RAB11FIP4: variants seen among roughly 807,000 people sequenced by gnomAD.
RAB11FIP4 encodes rab11 family-interacting protein 4.
RAB11FIP4 carries 23 observed loss-of-function variants against 74.3 expected under a neutral mutation model. The observed-to-expected ratio is 0.31, with a 90% CI of 0.22 to 0.44. RAB11FIP4 has a LOEUF of 0.44. RAB11FIP4 is among the 20% of genes least tolerant of loss of function. The pLI, the probability that RAB11FIP4 is intolerant of heterozygous loss-of-function variation, is 1.00. For missense variants in RAB11FIP4, 630 were observed against 863.9 expected, an observed-to-expected ratio of 0.73 and a Z score of 3.39; for synonymous variants, 360 against 359.9, an observed-to-expected ratio of 1.00 and a Z score of 0.00.
At chr17:31,442,946 T>G in intron 3 of RAB11FIP4, among the ~76,000 whole-genome samples, 2 of 141,110 alleles carry the variant, frequency 1.4e-5, no homozygotes, top group Admixed American at 7.4e-5. Context: ...GGCAACAGAG[T>G]GAGACTCTGT....
At chr17:31,511,712 C>T (rs1240407199) in intron 3 of RAB11FIP4, among the ~76,000 whole-genome samples, 1 of 152,186 alleles carries the variant, frequency 6.6e-6, no homozygotes, top group Non-Finnish European at 1.5e-5. Flanking sequence ...AGGGAGAGGA[C>T]CAGATGCTGC....
intron 7 of RAB11FIP4, 28 bp downstream of exon 7, chr17:31,522,423 T>G: frequency 6.2e-7 from 1 of 1,609,652 alleles, no homozygotes; most frequent in South Asian, 1.1e-5. Context: ...GGAGGGCAAA[T>G]TGAGTGCTGT....
At chr17:31,481,870 C>G (rs2071853085) in intron 3 of RAB11FIP4, among the ~76,000 whole-genome samples, 1 of 152,152 alleles carries the variant, frequency 6.6e-6, no homozygotes, top group South Asian at 2.1e-4. Context: ...GCTCCAGAGT[C>G]AATAAGACCA....
intron 4 of RAB11FIP4, among the ~76,000 whole-genome samples, chr17:31,519,441 C>T (rs1053132427): frequency 1.3e-5 from 2 of 152,166 alleles, no homozygotes; most frequent in African/African-American, 4.8e-5. Flanking sequence ...GAAGCAGTTT[C>T]ACCTTTAACT....
chr17:31,450,765 A>G (rs148033030), intron 3 of RAB11FIP4, among the ~76,000 whole-genome samples: 2,501 of 148,898 alleles, frequency 0.017, 43 homozygotes, highest in Non-Finnish European at 0.024. Flanking sequence ...CCCCTCCGAC[A>G]TTGCCTTCGG....
At chr17:31,457,034 G>A (rs1193058324) in intron 3 of RAB11FIP4, among the ~76,000 whole-genome samples, 1 of 152,170 alleles carries the variant, frequency 6.6e-6, no homozygotes, top group Non-Finnish European at 1.5e-5. Context: ...CTGGTCCTGG[G>A]GGCCTGTCTT....
intron 1 of RAB11FIP4, among the ~76,000 whole-genome samples, chr17:31,417,502 A>G (rs1299863074): frequency 1.3e-5 from 2 of 152,110 alleles, no homozygotes; most frequent in Non-Finnish European, 2.9e-5. Flanking sequence ...GGGGAGTTTC[A>G]ACTTCACCCT....
intron 1 of RAB11FIP4, among the ~76,000 whole-genome samples, chr17:31,400,150 A>G (rs986514311): frequency 1.3e-5 from 2 of 152,118 alleles, no homozygotes; most frequent in Non-Finnish European, 2.9e-5. Context: ...CTGGGCTCGC[A>G]TTCTGATAGG....
intron 1 of RAB11FIP4, among the ~76,000 whole-genome samples, chr17:31,430,948 T>C (rs1277332847): frequency 6.6e-6 from 1 of 151,774 alleles, no homozygotes; most frequent in Non-Finnish European, 1.5e-5. Flanking sequence ...ATGGGTGGTA[T>C]TGGAGGGGGT....
chr17:31,392,954 C>T (rs560863870), intron 1 of RAB11FIP4, among the ~76,000 whole-genome samples: 19 of 152,344 alleles, frequency 1.2e-4, no homozygotes, highest in African/African-American at 3.8e-4. Context: ...CCATGGGCCT[C>T]AAATGGGCAC....
intron 3 of RAB11FIP4, among the ~76,000 whole-genome samples, chr17:31,488,973 C>T (rs571199365): frequency 1.3e-5 from 2 of 152,344 alleles, no homozygotes; most frequent in East Asian, 3.9e-4. Flanking sequence ...CACCCTACTC[C>T]TCGCCCATGC....
chr17:31,476,172 C>CTTTT (rs71369069), intron 3 of RAB11FIP4, among the ~76,000 whole-genome samples: 1,043 of 63,550 alleles, frequency 0.016, 116 homozygotes, highest in Non-Finnish European at 0.02. Flanking sequence ...ATCGACTGAA[C>CTTTT]TTTTTTTTTT....
At chr17:31,448,420 C>A (rs564680081) in intron 3 of RAB11FIP4, 4 of 36,172 alleles carry the variant, frequency 1.1e-4, no homozygotes, top group South Asian at 1.9e-3. Context: ...TTGGCAGAGA[C>A]CGGGTCTAGC....
intron 1 of RAB11FIP4, among the ~76,000 whole-genome samples, chr17:31,430,660 G>A (rs2071301036): frequency 6.6e-6 from 1 of 152,050 alleles, no homozygotes; most frequent in African/African-American, 2.4e-5. Flanking sequence ...CGCCCGCCCT[G>A]GAGTTTGGAT....
chr17:31,524,310 C>T (rs1430562292), intron 9 of RAB11FIP4: 2 of 327,070 alleles, frequency 6.1e-6, no homozygotes, highest in African/African-American at 2.1e-5. Flanking sequence ...TGACAGGAGC[C>T]TGACGTCCCT....
chr17:31,534,535 T>A lies in RAB11FIP4; in HGVS notation c.*2803T>A, dbSNP rs532877727. 3.3e-5 allele frequency: 5 copies of A among 152,244 alleles called. No individual in the cohort carries two copies. The highest frequency in any genetic ancestry group is 9.6e-5 in the African/African-American group (4 of 41,538). The allele number at this position is 152,244 out of a possible 1,614,324, so 9.4% of individuals were successfully genotyped here. A position where few individuals can be genotyped will look rare whatever the true frequency, so the allele number is the denominator to read the frequency against. Reference sequence around the variant, plus strand: ...ACCTCAGCCTGCCAAAGCACTGGGATTACAGGCATGAGCCACCATGCCTGG... The same window carrying A: ...ACCTCAGCCTGCCAAAGCACTGGGAATACAGGCATGAGCCACCATGCCTGG... On this transcript the variant is annotated 3_prime_UTR_variant, in exon 15 of 15. Coordinates refer to ENST00000621161, the MANE Select transcript of RAB11FIP4 (RefSeq NM_032932.6).
chr17:31,438,518 C>G (rs1819462649), intron 3 of RAB11FIP4, among the ~76,000 whole-genome samples: 1 of 152,056 alleles, frequency 6.6e-6, no homozygotes, highest in Non-Finnish European at 1.5e-5. Context: ...CCTCCCCCTT[C>G]CATCACAGCC....
intron 1 of RAB11FIP4, among the ~76,000 whole-genome samples, chr17:31,419,161 G>A (rs1476429371): frequency 6.6e-6 from 1 of 152,160 alleles, no homozygotes; most frequent in Non-Finnish European, 1.5e-5. Flanking sequence ...GTGATTATGT[G>A]TAATGCTGCT....
chr17:31,523,783 C>T (rs962813908), intron 8 of RAB11FIP4, 110 bp from the exon 9 acceptor site: 2 of 1,012,190 alleles, frequency 2.0e-6, no homozygotes. Flanking sequence ...CATGACCGTT[C>T]TCAGATACAC....
Sources: allele counts gnomAD v4.1 joint callset (sites outside exome capture counted in the v4.1 genomes callset), GRCh38; gene constraint gnomAD v4.1.1; transcripts MANE v1.5; gene names NCBI Gene and HGNC (gene_info 2026-07-23, HGNC 2026-07-21).